Variants in FERRY3 observed in about 807,000 individuals in gnomAD.
FERRY3 encodes the protein FERRY endosomal RAB5 effector complex subunit 3.
the FERRY3 span, among the ~76,000 whole-genome samples, chr12:4,536,459 A>G: frequency 6.6e-6 from 1 of 152,166 alleles, no homozygotes; most frequent in Non-Finnish European, 1.5e-5. Context: ...TTATGGCCAT[A>G]AAGTACTTTA....
the FERRY3 span, chr12:4,518,177 T>C: frequency 3.1e-6 from 5 of 1,614,058 alleles, no homozygotes; most frequent in Admixed American, 5.0e-5. Context: ...ACCACTTCGA[T>C]GATTTCTTTT....
At chr12:4,507,362 T>C in the FERRY3 span, among the ~76,000 whole-genome samples, 1 of 152,176 alleles carries the variant, frequency 6.6e-6, no homozygotes, top group Admixed American at 6.5e-5. Flanking sequence ...TAGGATATAC[T>C]TCTATAGGGA....
the FERRY3 span, among the ~76,000 whole-genome samples, chr12:4,493,686 C>CT: frequency 6.6e-6 from 1 of 152,156 alleles, no homozygotes. Context: ...TACAAAAGAG[C>CT]TACAGTGGTC....
chr12:4,525,117 A>T, the FERRY3 span: 15 of 1,093,372 alleles, frequency 1.4e-5, no homozygotes, highest in Non-Finnish European at 2.0e-5. Flanking sequence ...AAGGTGGTAA[A>T]AGCACAGCAT....
chr12:4,511,143 A>C, the FERRY3 span, among the ~76,000 whole-genome samples: 1 of 151,134 alleles, frequency 6.6e-6, no homozygotes, highest in Non-Finnish European at 1.5e-5. Flanking sequence ...GAGACAAAGA[A>C]GGCCATTACA....
chr12:4,503,068 A>G, the FERRY3 span, among the ~76,000 whole-genome samples: 1 of 152,220 alleles, frequency 6.6e-6, no homozygotes, highest in Non-Finnish European at 1.5e-5. Flanking sequence ...CAGATGATGG[A>G]AGTCATAGCT....
the FERRY3 span, among the ~76,000 whole-genome samples, chr12:4,518,612 C>A: frequency 6.6e-6 from 1 of 152,122 alleles, no homozygotes; most frequent in South Asian, 2.1e-4. Flanking sequence ...AATCCTAGCA[C>A]TTTGGGAGGC....
At chr12:4,513,491 C>G in the FERRY3 span, among the ~76,000 whole-genome samples, 1 of 149,530 alleles carries the variant, frequency 6.7e-6, no homozygotes, top group Non-Finnish European at 1.5e-5. Context: ...TGACTTCAAA[C>G]TATACTACAA....
chr12:4,504,109 G>A, the FERRY3 span, among the ~76,000 whole-genome samples: 14 of 152,172 alleles, frequency 9.2e-5, no homozygotes, highest in African/African-American at 2.7e-4. Context: ...AGGAAATTTC[G>A]AGGCTGATGG....
chr12:4,525,330 T>C, the FERRY3 span: 18 of 1,613,684 alleles, frequency 1.1e-5, no homozygotes, highest in Non-Finnish European at 1.4e-5. Flanking sequence ...TGTTTTTGGA[T>C]GGCAGTTGAT....
chr12:4,507,021 A>G, the FERRY3 span, among the ~76,000 whole-genome samples: 1 of 152,136 alleles, frequency 6.6e-6, no homozygotes, highest in Non-Finnish European at 1.5e-5. Context: ...CTTGAACAAG[A>G]ACAAAATAAA....
the FERRY3 span, among the ~76,000 whole-genome samples, chr12:4,490,815 T>G: frequency 6.6e-6 from 1 of 152,180 alleles, no homozygotes; most frequent in African/African-American, 2.4e-5. Flanking sequence ...TGCTCTTATT[T>G]ATGATTTCTC....
At chr12:4,515,296 G>T in the FERRY3 span, among the ~76,000 whole-genome samples, 2 of 152,114 alleles carry the variant, frequency 1.3e-5, no homozygotes, top group Non-Finnish European at 2.9e-5. Context: ...ATTAAAAACA[G>T]AACTATCTTA....
At chr12:4,519,973 T>G in the FERRY3 span, among the ~76,000 whole-genome samples, 1 of 152,174 alleles carries the variant, frequency 6.6e-6, no homozygotes. The surrounding 1 kb of genome is among the most constrained non-coding windows in gnomAD (Gnocchi z 4.3). Context: ...CATCAAAGAT[T>G]TGTGATCATA....
At chr12:4,497,602 C>T in the FERRY3 span, among the ~76,000 whole-genome samples, 2 of 152,148 alleles carry the variant, frequency 1.3e-5, no homozygotes, top group Non-Finnish European at 2.9e-5. Flanking sequence ...AACAAGTTAA[C>T]AGCAAAAATA....
At chr12:4,522,247 A>C in the FERRY3 span, among the ~76,000 whole-genome samples, 1 of 152,226 alleles carries the variant, frequency 6.6e-6, no homozygotes, top group Non-Finnish European at 1.5e-5. Flanking sequence ...GATAAACTGC[A>C]CTTAACTAAA....
chr12:4,493,216 T>C, the FERRY3 span, among the ~76,000 whole-genome samples: 9 of 152,250 alleles, frequency 5.9e-5, no homozygotes, highest in Admixed American at 4.6e-4. Flanking sequence ...CCTGTCGTTT[T>C]TGGGGAGGAG....
chr12:4,536,817 TCAA>T, the FERRY3 span, among the ~76,000 whole-genome samples: 1 of 152,188 alleles, frequency 6.6e-6, no homozygotes, highest in Non-Finnish European at 1.5e-5. Flanking sequence ...GCAGTAAGAA[TCAA>T]CATCAATTAA....
the FERRY3 span, among the ~76,000 whole-genome samples, chr12:4,531,198 A>C: frequency 6.6e-6 from 1 of 152,228 alleles, no homozygotes; most frequent in African/African-American, 2.4e-5. Context: ...TAGAACTACG[A>C]TTTCATCTAC....
Sources: gnomAD v4.1 joint callset for allele counts (sites outside exome capture counted in the v4.1 genomes callset) on GRCh38, gnomAD v4.1.1 for gene constraint, Gnocchi (gnomAD v3.1) non-coding constraint, MANE v1.5 for transcripts, NCBI Gene and HGNC (gene_info 2026-07-23, HGNC 2026-07-21) for gene names.